Variants in NDST4 observed in about 807,000 individuals in gnomAD.
NDST4 encodes the protein N-deacetylase and N-sulfotransferase 4.
Under a neutral mutation model 100.8 loss-of-function variants are expected in NDST4, and 63 were observed. The ratio of observed to expected loss-of-function variants is 0.62; its 90% CI spans 0.51 to 0.77. The LOEUF is 0.77. Ranked by LOEUF, NDST4 falls within the 30% of genes least tolerant of loss-of-function variation. The pLI is 0.00. For synonymous variants in NDST4, 377 were observed against 361.8 expected (o/e 1.04, Z -0.48); for missense variants, 943 against 1,018.4 (o/e 0.93, Z 1.01).
intron 2 of NDST4, among the ~76,000 whole-genome samples, chr4:115,033,738 A>C (rs916985938): frequency 7.9e-5 from 12 of 152,096 alleles, no homozygotes; most frequent in African/African-American, 2.4e-4. Context: ...TTGGTTGTTC[A>C]GTCTTTTTGA....
At chr4:115,014,154 C>T (rs13142564) in intron 2 of NDST4, among the ~76,000 whole-genome samples, 67,948 of 151,792 alleles carry the variant, frequency 0.45, 16,753 homozygotes, top group Non-Finnish European at 0.58. Flanking sequence ...ATAAGGCCTA[C>T]CTAAAGCAGT....
At chr4:115,102,875 A>G (rs527416187) in intron 1 of NDST4, among the ~76,000 whole-genome samples, 14 of 151,706 alleles carry the variant, frequency 9.2e-5, no homozygotes, top group African/African-American at 3.1e-4. Flanking sequence ...CGCCTGGCTA[A>G]TTTTTGTATT....
chr4:115,076,425 A>C lies in NDST4; in HGVS notation c.612T>G (p.Ile204Met). The C allele has an allele frequency of 6.2e-7, 1 of 1,613,986 alleles. No homozygotes were observed. The change falls in exon 2 of 14, where the codon ATT becomes ATG. Residue 204 changes from isoleucine to methionine, a missense_variant. Coordinates refer to ENST00000264363, the MANE Select transcript of NDST4 (RefSeq NM_022569.3). ...FVNPQSPLLH[I>M]TKAPKVEKGP... ...CTTTCTCAACCTTGGGGGCTTTGGT[A>C]ATATGCAGCAAAGGAGATTGAGGGT... is the stretch of plus-strand genomic sequence containing the variant.
intron 2 of NDST4, among the ~76,000 whole-genome samples, chr4:115,013,974 A>C (rs1277667542): frequency 6.6e-6 from 1 of 152,068 alleles, no homozygotes; most frequent in Non-Finnish European, 1.5e-5. Context: ...TGTGCAAAAG[A>C]CAGAAGGATA....
intron 4 of NDST4, among the ~76,000 whole-genome samples, chr4:114,953,566 A>G (rs556692780): frequency 3.3e-4 from 51 of 152,278 alleles, no homozygotes; most frequent in African/African-American, 1.1e-3. Context: ...AATCATTCAT[A>G]TTAACAATGA....
chr4:114,868,221 C>G (rs1724074761), intron 7 of NDST4, among the ~76,000 whole-genome samples: 2 of 152,028 alleles, frequency 1.3e-5, no homozygotes, highest in African/African-American at 4.8e-5. Context: ...TATTTTGACA[C>G]TTTGTAACAA....
At chr4:114,968,166 G>A (rs1726426386) in intron 4 of NDST4, among the ~76,000 whole-genome samples, 1 of 152,226 alleles carries the variant, frequency 6.6e-6, no homozygotes, top group African/African-American at 2.4e-5. Flanking sequence ...CTCAAAGAGT[G>A]ATGAGCTATT....
At chr4:115,062,043 C>A (rs1278120947) in intron 2 of NDST4, among the ~76,000 whole-genome samples, 1 of 151,384 alleles carries the variant, frequency 6.6e-6, no homozygotes, top group Non-Finnish European at 1.5e-5. Flanking sequence ...AAAAGGAAGG[C>A]AAAATAGTGA....
intron 2 of NDST4, among the ~76,000 whole-genome samples, chr4:115,065,801 G>T (rs1039389669): frequency 6.6e-6 from 1 of 151,988 alleles, no homozygotes; most frequent in Non-Finnish European, 1.5e-5. Flanking sequence ...TTATATTCTG[G>T]CCACAAACAG....
intron 4 of NDST4, among the ~76,000 whole-genome samples, chr4:114,946,646 A>AG (rs1725872479): frequency 6.6e-6 from 1 of 152,150 alleles, no homozygotes; most frequent in Non-Finnish European, 1.5e-5. Context: ...GAGTTAACAA[A>AG]GGGGGAGATT....
At chr4:114,979,988 CACAA>C (rs1336481078) in intron 2 of NDST4, among the ~76,000 whole-genome samples, 2 of 151,754 alleles carry the variant, frequency 1.3e-5, no homozygotes, top group Admixed American at 6.6e-5. Context: ...AATGAATATA[CACAA>C]AATGATTCAA....
intron 7 of NDST4, among the ~76,000 whole-genome samples, chr4:114,869,101 C>A (rs1452722591): frequency 6.6e-6 from 1 of 151,378 alleles, no homozygotes; most frequent in East Asian, 1.9e-4. Context: ...TACTTAGAAT[C>A]ATCATGTTGC....
At position 115,005,946 on chromosome 4, in the gene NDST4, C is replaced by T. The variant is rs528528338; in HGVS notation, c.979-28672G>A. On this transcript the variant is annotated intron_variant, in intron 2 of 13. Coordinates refer to ENST00000264363, the MANE Select transcript of NDST4 (RefSeq NM_022569.3). ...TACTCGGGAGGCTGAGGCAGAGAAT[C>T]GCTTGAACTCGGGAGGCAGAGCTTG... 1.1e-4 allele frequency among the ~76,000 whole-genome samples: 17 copies of T among 148,016 alleles called. No homozygotes were observed. The East Asian group carries it at 3.0e-3, about 26-fold the overall frequency.
intron 2 of NDST4, among the ~76,000 whole-genome samples, chr4:115,052,292 A>G (rs1449103169): frequency 6.6e-6 from 1 of 152,184 alleles, no homozygotes; most frequent in African/African-American, 2.4e-5. Flanking sequence ...ATTAGATTTA[A>G]ACACCATTTT....
At chr4:115,018,342 T>G (rs912872337) in intron 2 of NDST4, among the ~76,000 whole-genome samples, 2 of 151,952 alleles carry the variant, frequency 1.3e-5, no homozygotes, top group African/African-American at 4.8e-5. Flanking sequence ...CAGTACAAAA[T>G]GGAAATATCT....
At chr4:114,973,603 G>A (rs989183035) in intron 3 of NDST4, among the ~76,000 whole-genome samples, 13 of 151,806 alleles carry the variant, frequency 8.6e-5, no homozygotes, top group African/African-American at 2.9e-4. Context: ...AATACATGAA[G>A]TTTGTTTCTT....
chr4:114,836,684 TCTC>T (rs1723312201), intron 11 of NDST4, among the ~76,000 whole-genome samples: 1 of 152,202 alleles, frequency 6.6e-6, no homozygotes, highest in South Asian at 2.1e-4. Context: ...TAGGGGAAGT[TCTC>T]CTGGATAATA....
At chr4:114,838,909 C>G (rs922567510) in intron 11 of NDST4, among the ~76,000 whole-genome samples, 4 of 151,826 alleles carry the variant, frequency 2.6e-5, no homozygotes, top group Admixed American at 6.6e-5. Context: ...TTATAACACT[C>G]CCCATTTGGC....
intron 13 of NDST4, among the ~76,000 whole-genome samples, chr4:114,828,137 C>A (rs933244111): frequency 6.6e-6 from 1 of 151,848 alleles, no homozygotes; most frequent in Non-Finnish European, 1.5e-5. Flanking sequence ...AGAAATAGGA[C>A]CAAGTATATC....
Sources: gnomAD v4.1 joint callset for allele counts (sites outside exome capture counted in the v4.1 genomes callset) on GRCh38, gnomAD v4.1.1 for gene constraint, MANE v1.5 for transcripts, NCBI Gene and HGNC (gene_info 2026-07-23, HGNC 2026-07-21) for gene names.